FGF13: variants seen among roughly 807,000 people sequenced by gnomAD.
FGF13 encodes fibroblast growth factor 13.
In FGF13, 2 loss-of-function variants were observed where a neutral mutation model predicts 19.5. The ratio of observed to expected loss-of-function variants is 0.10; its 90% confidence interval spans 0.04 to 0.32. The LOEUF (loss-of-function observed/expected upper bound fraction) is 0.32. Ranked by LOEUF, FGF13 falls within the 10% of genes least tolerant of loss-of-function variation. FGF13 has a pLI of 1.00. For missense variants in FGF13, 113 were observed against 192.7 expected, an observed-to-expected ratio of 0.59 and a Z score of 2.45; for synonymous variants, 72 against 76.9, an observed-to-expected ratio of 0.94 and a Z score of 0.33.
intron 1 of FGF13, among the ~76,000 whole-genome samples, chrX:139,164,741 TA>T (rs754235332): frequency 6.9e-5 from 7 of 100,991 alleles, no homozygotes; most frequent in African/African-American, 2.2e-4. Flanking sequence ...AGAATTCTAT[TA>T]AAAAATACAT....
At chrX:138,901,906 G>A (rs751181351) in intron 1 of FGF13, among the ~76,000 whole-genome samples, 2 of 112,330 alleles carry the variant, frequency 1.8e-5, no homozygotes, top group Non-Finnish European at 3.8e-5. Context: ...AACACTAACT[G>A]TAAATATTAA....
chrX:139,159,883 T>C (rs1038845285), intron 1 of FGF13, among the ~76,000 whole-genome samples: 55 of 110,919 alleles, frequency 5.0e-4, no homozygotes, highest in African/African-American at 1.8e-3. Context: ...TCCCACACAA[T>C]AATACTGGGA....
At chrX:138,780,140 T>G (rs1162777622) in intron 3 of FGF13, among the ~76,000 whole-genome samples, 87 of 108,932 alleles carry the variant, frequency 8.0e-4, no homozygotes, top group East Asian at 1.5e-3. Flanking sequence ...CACCAGGCCT[T>G]CCCTAAAAGA....
At chrX:138,650,809 T>C (rs1650941180) in intron 3 of FGF13, among the ~76,000 whole-genome samples, 1 of 111,677 alleles carries the variant, frequency 9.0e-6, no homozygotes, top group Non-Finnish European at 1.9e-5. Flanking sequence ...TAATAAATTA[T>C]AGTTAACCAT....
intron 1 of FGF13, among the ~76,000 whole-genome samples, chrX:138,926,912 C>T (rs998155587): frequency 3.6e-5 from 4 of 111,498 alleles, no homozygotes; most frequent in South Asian, 7.6e-4. Context: ...GCTGAGATCA[C>T]GCCACTGCAC....
chrX:138,663,915 A>G (rs1015099669), intron 3 of FGF13, among the ~76,000 whole-genome samples: 1 of 111,389 alleles, frequency 9.0e-6, no homozygotes, highest in African/African-American at 3.3e-5. Flanking sequence ...AGTTTTTCTA[A>G]AGTCATGGTG....
intron 3 of FGF13, among the ~76,000 whole-genome samples, chrX:138,825,483 GA>G (rs1014598328): frequency 9.0e-6 from 1 of 111,297 alleles, no homozygotes; most frequent in Non-Finnish European, 1.9e-5. Context: ...TACTTCAAAG[GA>G]AAAAGCAACT....
At chrX:138,827,591 T>A (rs2091042547) in intron 3 of FGF13, among the ~76,000 whole-genome samples, 1 of 111,213 alleles carries the variant, frequency 9.0e-6, no homozygotes, top group South Asian at 3.8e-4. Context: ...TTATTAAGTG[T>A]TAGGAACAGA....
chrX:138,864,533 C>G (rs767506568), intron 2 of FGF13: 1 of 111,881 alleles, frequency 8.9e-6, no homozygotes, highest in African/African-American at 3.2e-5. Flanking sequence ...CAGGTGGGAA[C>G]GAGAAGCAAA....
chrX:138,863,457 G>C (rs2091300009), intron 2 of FGF13, among the ~76,000 whole-genome samples: 1 of 111,644 alleles, frequency 9.0e-6, no homozygotes, highest in Admixed American at 9.6e-5. Context: ...ATTATCATGG[G>C]CCTTAAGTAA....
At chrX:139,016,495 A>T (rs936067731) in intron 1 of FGF13, among the ~76,000 whole-genome samples, 5 of 111,654 alleles carry the variant, frequency 4.5e-5, no homozygotes, top group African/African-American at 1.6e-4. Flanking sequence ...AGTGTAACAT[A>T]TATAATTTAG....
chrX:138,683,173 A>G (rs181159288), intron 3 of FGF13, among the ~76,000 whole-genome samples: 11 of 111,598 alleles, frequency 9.9e-5, no homozygotes, highest in Non-Finnish European at 1.9e-5. Flanking sequence ...AAATTACACA[A>G]AACTATTAGA....
chrX:138,885,457 C>T (rs189409593), intron 1 of FGF13, among the ~76,000 whole-genome samples: 7 of 111,666 alleles, frequency 6.3e-5, no homozygotes, highest in African/African-American at 2.3e-4. Context: ...GTCCACTACA[C>T]AGTTGAATAT....
intron 1 of FGF13, among the ~76,000 whole-genome samples, chrX:139,098,355 G>A (rs1229292934): frequency 1.8e-5 from 2 of 111,479 alleles, no homozygotes; most frequent in African/African-American, 6.5e-5. Flanking sequence ...ATTTGACCCA[G>A]TAATCCCCCT....
chrX:138,880,236 G>A (rs765731410), intron 1 of FGF13, among the ~76,000 whole-genome samples: 1 of 112,062 alleles, frequency 8.9e-6, no homozygotes, highest in South Asian at 3.7e-4. Flanking sequence ...GTTGATGGGA[G>A]TGTAAATTAG....
chrX:138,772,488 C>T (rs2090554627), intron 3 of FGF13, among the ~76,000 whole-genome samples: 2 of 110,927 alleles, frequency 1.8e-5, no homozygotes, highest in South Asian at 3.8e-4. Flanking sequence ...TACCCAGATA[C>T]AATTTTGATG....
chrX:138,736,457 A>G (rs1420529644), intron 1 of FGF13, among the ~76,000 whole-genome samples: 1 of 111,460 alleles, frequency 9.0e-6, no homozygotes, highest in Non-Finnish European at 1.9e-5. Context: ...GTTACTCAAC[A>G]AAAACTAAGT....
At chrX:138,984,523 GGAAGAAGAAGAAGAAGAAGAA>G (rs1209275314) in intron 1 of FGF13, among the ~76,000 whole-genome samples, 6 of 31,587 alleles carry the variant, frequency 1.9e-4, no homozygotes, top group African/African-American at 6.1e-4. Flanking sequence ...AAGAAGAAGA[GGAAGAAGAAGAAGAAGAAGAA>G]GAAGAAGAAG....
In FGF13 at chrX:138,702,987, G is replaced by A. The variant is rs774529215; in HGVS notation, c.399C>T (p.Thr133=). The change falls in exon 3 of 5, where the codon ACC becomes ACT. Residue 133 remains threonine (T), a synonymous_variant. Transcript: ENST00000315930. The part of the protein sequence containing the change: ...LAMNSEGYLY[T]SELFTPECKF... The stretch of plus-strand genomic sequence containing the variant: ...ATGCACACAGTCAAAAGCTTACCGA[G>A]GTGTACAAGTATCCCTCACTGTTCA... 16 of 1,190,902 alleles carry A rather than the reference G, an allele frequency of 1.3e-5. No homozygotes were observed. The highest frequency in any genetic ancestry group is 1.8e-5 in the Non-Finnish European group (16 of 876,627).
Sources: allele counts gnomAD v4.1 joint callset (sites outside exome capture counted in the v4.1 genomes callset), GRCh38; gene constraint gnomAD v4.1.1; transcripts MANE v1.5; gene names NCBI Gene and HGNC (gene_info 2026-07-23, HGNC 2026-07-21).